The following PCID2 variants were observed in gnomAD, a reference collection of about 807,000 sequenced individuals.
PCID2 encodes the protein PCI domain containing 2, also known as PCI domain-containing protein 2.
A neutral mutation model predicts 61.3 loss-of-function variants in PCID2; 41 were observed. The observed-to-expected ratio is 0.67, with a 90% CI of 0.52 to 0.87. The LOEUF is 0.87. Among genes scored for constraint, PCID2 ranks in the 40% least tolerant of loss-of-function variants. The pLI, the probability that PCID2 is intolerant of heterozygous loss-of-function variation, is 0.00. For missense variants in PCID2, 392 were observed against 493.4 expected, an observed-to-expected ratio of 0.79 and a Z score of 1.95; for synonymous variants, 187 against 177.8, an observed-to-expected ratio of 1.05 and a Z score of -0.41.
chr13:113,196,936 C>G, intron 4 of PCID2: 2 of 1,011,224 alleles, frequency 2.0e-6, no homozygotes, highest in East Asian at 4.7e-5. Context: ...TTCTTCTCAG[C>G]AGAGTAAGAT....
intron 6 of PCID2, among the ~76,000 whole-genome samples, chr13:113,194,166 G>A (rs951366534): frequency 1.6e-4 from 25 of 152,130 alleles, no homozygotes; most frequent in Admixed American, 1.6e-3. Flanking sequence ...TGGAGGTCCT[G>A]GGCCACCCCC....
At position 113,184,384 on chromosome 13, in the gene PCID2, A is replaced by G. The variant is rs747616357; in HGVS notation, c.647T>C (p.Val216Ala). The G allele has an allele frequency of 1.2e-6, 2 of 1,613,236 alleles. No homozygotes were observed. The highest frequency in any genetic ancestry group is 2.2e-5 in the South Asian group (2 of 91,048). ...GCTGTCAAACATAGCCTTGCGTCCA[A>G]CGTAGTATTTGTATGTTACTCTCTG... is the stretch of plus-strand genomic sequence containing the variant. Reference protein sequence around the residue: ...TAQRVTYKYYVGRKAMFDSDF... With the variant: ...TAQRVTYKYYAGRKAMFDSDF... Residue 216 changes from valine to alanine, a missense_variant, in exon 9 of 14, where the codon GTT (valine) becomes GCT (alanine). Val to Ala is a moderately conservative substitution (Grantham distance 64). Around this residue, in one of 3 missense-constraint regions of PCID2, gnomAD observed 226 missense variants for 296.5 expected, o/e 0.76. Coordinates refer to ENST00000337344, the MANE Select transcript of PCID2 (RefSeq NM_001127202.4).
downstream of PCID2, among the ~76,000 whole-genome samples, chr13:113,174,242 A>G (rs973077939): frequency 5.9e-5 from 9 of 152,106 alleles, no homozygotes; most frequent in Admixed American, 5.2e-4. Flanking sequence ...CATCTCAAAA[A>G]AAAAAAAAAA....
intron 9 of PCID2, chr13:113,183,949 C>T (rs1366184102): frequency 8.1e-6 from 8 of 985,072 alleles, no homozygotes; most frequent in African/African-American, 1.7e-5. Flanking sequence ...CATCTCCATG[C>T]GGGATGTGTA....
At chr13:113,196,881 C>A (rs898249770) in intron 4 of PCID2, 4 of 684,980 alleles carry the variant, frequency 5.8e-6, no homozygotes, top group Non-Finnish European at 1.0e-5. Context: ...CTTAACCAGT[C>A]CCTGTAAATA....
chr13:113,185,163 C>A (rs2037995029), intron 8 of PCID2, among the ~76,000 whole-genome samples: 1 of 152,250 alleles, frequency 6.6e-6, no homozygotes, highest in South Asian at 2.1e-4. Flanking sequence ...ACAAAACGCT[C>A]TGGAGTGAAA....
At position 113,179,880 on chromosome 13, in the gene PCID2, C is replaced by G. The variant is rs956166065; in HGVS notation, c.986+37G>C. 2 of 1,593,998 alleles carry G rather than the reference C, an allele frequency of 1.3e-6. No homozygotes were observed. The highest frequency in any genetic ancestry group is 4.5e-5 in the East Asian group (2 of 44,288). On this transcript the variant is annotated intron_variant, in intron 12 of 13. Transcript: ENST00000337344. The surrounding 1 kb of genome is among the most constrained non-coding windows in gnomAD (Gnocchi z 4.3). ...GGATGTCTGACTGCTCTGCCGAGAG[C>G]CACACTGGGAGCCCAATGTGCCGGG...
At chr13:113,175,868 G>A (rs112185017), downstream of PCID2, among the ~76,000 whole-genome samples, 4 of 152,230 alleles carry the variant, frequency 2.6e-5, no homozygotes, top group East Asian at 5.8e-4. Flanking sequence ...TGGGATCTGC[G>A]CTCCCAGAAT....
At chr13:113,189,835 C>T (rs983641632) in intron 7 of PCID2, among the ~76,000 whole-genome samples, 1 of 151,842 alleles carries the variant, frequency 6.6e-6, no homozygotes, top group African/African-American at 2.4e-5. Flanking sequence ...CAAGCCTGGC[C>T]AACATGGTGA....
At chr13:113,180,113 G>T (rs753056281) in intron 11 of PCID2, 45 bp downstream of exon 11, 11 of 1,613,242 alleles carry the variant, frequency 6.8e-6, no homozygotes, top group Non-Finnish European at 9.3e-6. Flanking sequence ...CTCTCATCAG[G>T]CTTGCATTTT....
chr13:113,190,839 C>A, intron 7 of PCID2, 33 bp downstream of exon 7: 1 of 1,331,912 alleles, frequency 7.5e-7, no homozygotes, highest in Non-Finnish European at 1.1e-6. Context: ...CCACCAACAG[C>A]GTCTGGTGGT....
At position 113,195,070 on chromosome 13, in the gene PCID2, C is replaced by CAGCAAAAATGACAGCAA; in HGVS notation, c.363_363+1insTTGCTGTCATTTTTGCT (p.Ala122LeufsTer12). The stretch of plus-strand genomic sequence containing the variant: ...TAATAATGACAGCAAATTAAACTTA[C>CAGCAAAAATGACAGCAA]ATTATTGGCAAACACTCGAAGGTCA... On this transcript the variant is annotated frameshift_variant and splice_region_variant. Transcript: ENST00000337344. LOFTEE classifies it high-confidence loss of function. 1 of 1,594,172 alleles carries CAGCAAAAATGACAGCAA rather than the reference C, an allele frequency of 6.3e-7. No homozygotes were observed.
intron 1 of PCID2, 183 bp downstream of exon 1, chr13:113,208,416 C>T (rs932546728): frequency 8.8e-6 from 13 of 1,485,040 alleles, no homozygotes; most frequent in Non-Finnish European, 1.2e-5. Context: ...GGGGAGAACT[C>T]GGGCCGCCTT....
chr13:113,170,904 C>A, the PCID2 span, among the ~76,000 whole-genome samples: 1 of 151,050 alleles, frequency 6.6e-6, no homozygotes, highest in Non-Finnish European at 1.5e-5. Context: ...GCCTTCTCAT[C>A]GGCTTATCTG....
chr13:113,184,397 A>G lies in PCID2; in HGVS notation c.634T>C (p.Tyr212His), dbSNP rs766079852. The stretch of plus-strand genomic sequence containing the variant: ...GCCTTGCGTCCAACGTAGTATTTGT[A>G]TGTTACTCTCTGTGCAGTGCTGTAA... ...DDYSTAQRVT[Y>H]KYYVGRKAMF... Residue 212 changes from tyrosine to histidine, a missense_variant, in exon 9 of 14, where the codon TAC (tyrosine) becomes CAC (histidine). Tyr to His is a moderately conservative substitution (Grantham distance 83, BLOSUM62 2). Coordinates refer to ENST00000337344, the MANE Select transcript of PCID2 (RefSeq NM_001127202.4). 3 of 1,612,258 alleles carry G rather than the reference A, an allele frequency of 1.9e-6. No individual in the cohort carries two copies. The highest frequency in any genetic ancestry group is 2.2e-5 in the East Asian group (1 of 44,874).
chr13:113,201,582 C>T (rs763936710), intron 1 of PCID2, among the ~76,000 whole-genome samples: 3 of 151,976 alleles, frequency 2.0e-5, no homozygotes, highest in Admixed American at 1.3e-4. Context: ...GAGGCCGAGG[C>T]GGGCAGATCA....
the PCID2 span, among the ~76,000 whole-genome samples, chr13:113,165,476 T>C: frequency 6.6e-6 from 1 of 152,244 alleles, no homozygotes; most frequent in Non-Finnish European, 1.5e-5. Flanking sequence ...TTGGCATTCA[T>C]TTTTGTTCTC....
At chr13:113,184,858 T>C (rs1595173869) in intron 8 of PCID2, among the ~76,000 whole-genome samples, 1 of 151,352 alleles carries the variant, frequency 6.6e-6, no homozygotes, top group Non-Finnish European at 1.5e-5. Context: ...CCTGTGCTAG[T>C]GGAGGCTCTG....
At chr13:113,166,181 T>TAAAA in the PCID2 span, 1 of 152,244 alleles carries the variant, frequency 6.6e-6, no homozygotes, top group South Asian at 2.1e-4. Flanking sequence ...CCACATAATT[T>TAAAA]AAAATTTTCT....
Sources: gnomAD v4.1 joint callset for allele counts (sites outside exome capture counted in the v4.1 genomes callset) on GRCh38, gnomAD v4.1.1 for gene constraint, gnomAD v4.1.1 regional missense constraint, Gnocchi (gnomAD v3.1) non-coding constraint, MANE v1.5 for transcripts, NCBI Gene and HGNC (gene_info 2026-07-23, HGNC 2026-07-21) for gene names.